THNSL1: variants seen among roughly 807,000 people sequenced by gnomAD.
The protein encoded by THNSL1 is threonine synthase-like 1.
A neutral mutation model predicts 50.4 loss-of-function variants in THNSL1; 48 were observed. That is an observed-to-expected ratio of 0.95 (90% confidence interval 0.76 to 1.21). The LOEUF is 1.21. Ranked by LOEUF, THNSL1 falls within the 50% of genes most tolerant of loss-of-function variation. The pLI is 0.00. For synonymous variants in THNSL1, 309 were observed against 306.1 expected, an observed-to-expected ratio of 1.01 and a Z score of -0.10; for missense variants, 896 against 871.7, an observed-to-expected ratio of 1.03 and a Z score of -0.35.
chr10:24,980,892 T>G, the THNSL1 span, among the ~76,000 whole-genome samples: 1 of 114,044 alleles, frequency 8.8e-6, no homozygotes, highest in African/African-American at 4.2e-5. Flanking sequence ...AAGTTTTGTA[T>G]TTTTAGTACA....
At chr10:24,968,456 T>A in the THNSL1 span, among the ~76,000 whole-genome samples, 59 of 152,272 alleles carry the variant, frequency 3.9e-4, no homozygotes, top group African/African-American at 1.3e-3. Context: ...ATCCCCTTGC[T>A]CATCCAGGAG....
the THNSL1 span, among the ~76,000 whole-genome samples, chr10:25,001,070 A>T: frequency 6.6e-6 from 1 of 152,058 alleles, no homozygotes; most frequent in African/African-American, 2.4e-5. Flanking sequence ...AATTGTGATT[A>T]TGTTCCCTTT....
the THNSL1 span, among the ~76,000 whole-genome samples, chr10:24,962,708 T>C: frequency 6.6e-5 from 10 of 152,234 alleles, no homozygotes; most frequent in Non-Finnish European, 1.2e-4. Flanking sequence ...ATTCGGTTAC[T>C]GTGGTCAGTG....
At chr10:24,967,599 T>A in the THNSL1 span, among the ~76,000 whole-genome samples, 2 of 152,230 alleles carry the variant, frequency 1.3e-5, no homozygotes, top group Middle Eastern at 6.8e-3. Flanking sequence ...CTGACCCTCC[T>A]TTATGCCTTT....
rs1466694427 is a variant in THNSL1, at chr10:25,024,520, G to A, written c.1297G>A (p.Val433Ile). ...SQRENGWAVGVESDFDFCQTA... is the reference protein window; with the variant it reads ...SQRENGWAVGIESDFDFCQTA... Reference sequence around the variant, plus strand: ...GAGAGAAAATGGATGGGCAGTGGGTGTTGAGTCAGATTTTGATTTTTGCCA... The same window carrying A: ...GAGAGAAAATGGATGGGCAGTGGGTATTGAGTCAGATTTTGATTTTTGCCA... The change falls in exon 3 of 3, where the codon GTT (valine) becomes ATT (isoleucine). Residue 433 changes from valine to isoleucine, a missense_variant. Coordinates refer to ENST00000376356, the MANE Select transcript of THNSL1 (RefSeq NM_024838.5). 5 of 1,614,200 alleles carry A rather than the reference G, an allele frequency of 3.1e-6. No homozygotes were observed. Among genetic ancestry groups the A allele is most frequent in the East Asian group, 2.2e-5 (1 of 44,884 alleles).
At chr10:24,994,268 C>T in the THNSL1 span, among the ~76,000 whole-genome samples, 1 of 149,796 alleles carries the variant, frequency 6.7e-6, no homozygotes, top group South Asian at 2.1e-4. Flanking sequence ...TCCTTCCTTC[C>T]TTTCCTTTCT....
the THNSL1 span, among the ~76,000 whole-genome samples, chr10:24,958,193 TA>T: frequency 0.44 from 65,854 of 149,298 alleles, 14,648 homozygotes; most frequent in African/African-American, 0.53. Context: ...GAAAGTAAAT[TA>T]AAAAAAAAAA....
chr10:25,005,947 G>C, the THNSL1 span, among the ~76,000 whole-genome samples: 1 of 152,182 alleles, frequency 6.6e-6, no homozygotes, highest in Non-Finnish European at 1.5e-5. Context: ...TGGATATTGA[G>C]CACTTGAAAT....
chr10:25,011,822 A>C (rs1324801188), upstream of THNSL1, among the ~76,000 whole-genome samples: 1 of 152,244 alleles, frequency 6.6e-6, no homozygotes, highest in Non-Finnish European at 1.5e-5. Flanking sequence ...CAATTTTCTG[A>C]GGAGAAATTC....
intron 1 of THNSL1, among the ~76,000 whole-genome samples, chr10:25,020,524 T>C (rs1415341669): frequency 6.6e-6 from 1 of 152,048 alleles, no homozygotes; most frequent in Admixed American, 6.5e-5. Flanking sequence ...CCCAGCACTT[T>C]GGGAGGCCAA....
chr10:25,023,844 T>C lies in THNSL1; in HGVS notation c.621T>C (p.Ala207=). The stretch of plus-strand genomic sequence containing the variant: ...CTCGTGTTTTCTGTGAAAGTGGGGC[T>C]TCCCCAGAGGAGGTAGCTGACAAAG... ...YDARVFCESG[A]SPEEVADKVL... The change falls in exon 3 of 3, where the codon GCT becomes GCC. Residue 207 remains alanine (A), a synonymous_variant. Coordinates refer to ENST00000376356, the MANE Select transcript of THNSL1 (RefSeq NM_024838.5). The C allele has an allele frequency of 6.2e-7, 1 of 1,614,200 alleles. No individual in the cohort carries two copies. Among genetic ancestry groups the C allele is most frequent in the Non-Finnish European group, 8.5e-7 (1 of 1,180,018 alleles).
rs1850812790 is a variant in THNSL1 at position 25,024,844 on chromosome 10, A to T, written c.1621A>T (p.Thr541Ser). 1.9e-6 allele frequency: 3 copies of T among 1,613,996 alleles called. No homozygotes were observed. The highest frequency in any genetic ancestry group is 2.5e-6 in the Non-Finnish European group (3 of 1,180,042). ...TGCCTCTAATCAGAACCATGTTTTG[A>T]CTGATTTTATAAAAACAGGACATTA... ...ICASNQNHVL[T>S]DFIKTGHYDL... The change falls in exon 3 of 3, where the codon ACT (threonine) becomes TCT (serine). Residue 541 changes from threonine (T) to serine (S), a missense_variant. By Grantham distance (58) the Thr-to-Ser change is moderately conservative. Transcript: ENST00000376356.
the THNSL1 span, among the ~76,000 whole-genome samples, chr10:24,972,515 A>T: frequency 1.3e-5 from 2 of 149,254 alleles, no homozygotes; most frequent in African/African-American, 2.6e-5. Context: ...CTCAAAAAAA[A>T]AAAAATAAAT....
At position 25,025,389 on chromosome 10, in the gene THNSL1, CTG is replaced by C; in HGVS notation, c.2169_2170del (p.Ala724SerfsTer2). The C allele has an allele frequency of 1.9e-6, 3 of 1,614,174 alleles. No individual in the cohort carries two copies. The highest frequency in any genetic ancestry group is 2.2e-5 in the South Asian group (2 of 91,072). ...KQQEKMEYQV[C>X]AADMNVLKSH... ...AGCAAGAGAAGATGGAGTACCAGGT[CTG>C]TGCAGCTGATATGAATGTCTTGAAG... On this transcript the variant is annotated frameshift_variant, in exon 3 of 3. Transcript: ENST00000376356. LOFTEE classifies it high-confidence loss of function.
At chr10:24,988,232 A>G in the THNSL1 span, among the ~76,000 whole-genome samples, 6 of 145,490 alleles carry the variant, frequency 4.1e-5, no homozygotes, top group Non-Finnish European at 9.0e-5. Flanking sequence ...TCAAAAAAAA[A>G]TGTATATATA....
chr10:24,969,506 A>T, the THNSL1 span, among the ~76,000 whole-genome samples: 1 of 152,222 alleles, frequency 6.6e-6, no homozygotes. Context: ...AGTTTGGTGT[A>T]CTTATTTCTC....
the THNSL1 span, chr10:24,982,341 G>C: frequency 6.6e-6 from 1 of 151,306 alleles, no homozygotes; most frequent in Non-Finnish European, 1.5e-5. Context: ...TAGTACCTCA[G>C]TACTATGGGA....
chr10:24,986,618 T>C, the THNSL1 span, among the ~76,000 whole-genome samples: 1 of 152,176 alleles, frequency 6.6e-6, no homozygotes, highest in African/African-American at 2.4e-5. Context: ...TCATAGCTAG[T>C]TGGGTGATGT....
rs780289017 is a variant in THNSL1, at chr10:25,023,340, T to A, written c.117T>A (p.Leu39=). The part of the protein sequence containing the change: ...AQRFLSRTFA[L]AELRKSWYST... ...GATTTCTTTCAAGAACCTTTGCACTTGCGGAATTGAGGAAGTCATGGTATT... is the reference window on the plus strand; with the variant it reads ...GATTTCTTTCAAGAACCTTTGCACTAGCGGAATTGAGGAAGTCATGGTATT... Residue 39 remains leucine, a synonymous_variant, in exon 3 of 3, where the codon CTT becomes CTA. Coordinates refer to ENST00000376356, the MANE Select transcript of THNSL1 (RefSeq NM_024838.5). The A allele has an allele frequency of 1.2e-6, 2 of 1,614,036 alleles. No homozygotes were observed. The highest frequency in any genetic ancestry group is 1.3e-5 in the African/African-American group (1 of 74,936).
Sources: allele counts gnomAD v4.1 joint callset (sites outside exome capture counted in the v4.1 genomes callset), GRCh38; gene constraint gnomAD v4.1.1; transcripts MANE v1.5; gene names NCBI Gene and HGNC (gene_info 2026-07-23, HGNC 2026-07-21).